Variants in ZBBX observed in about 807,000 individuals in gnomAD.
The protein encoded by ZBBX is zinc finger B-box domain-containing protein 1.
ZBBX carries 101 observed loss-of-function variants against 108.5 expected under a neutral mutation model. The observed-to-expected ratio is 0.93, with a 90% CI of 0.79 to 1.10. The LOEUF (loss-of-function observed/expected upper bound fraction) is 1.10. Among genes scored for constraint, ZBBX ranks in the 50% least tolerant of loss-of-function variants. ZBBX has a pLI of 0.00. For synonymous variants in ZBBX, 356 were observed against 323.4 expected, an observed-to-expected ratio of 1.10 and a Z score of -1.08; for missense variants, 1,009 against 941.4, an observed-to-expected ratio of 1.07 and a Z score of -0.94.
At chr3:167,374,800 G>T (rs911311820) in intron 2 of ZBBX, among the ~76,000 whole-genome samples, 1 of 152,112 alleles carries the variant, frequency 6.6e-6, no homozygotes, top group African/African-American at 2.4e-5. Flanking sequence ...AGAAAAGAGA[G>T]AATTCAGCTG....
Position 167,285,072 on chromosome 3 carries a change from G to T in ZBBX, c.1997-2577C>A, listed in dbSNP as rs75300846. 3.3e-5 allele frequency among the ~76,000 whole-genome samples: 5 copies of T among 152,116 alleles called. No individual in the cohort carries two copies. In the East Asian group the frequency reaches 9.7e-4, roughly 29 times the overall value. On this transcript the variant is annotated intron_variant, in intron 19 of 21. Transcript: ENST00000675490. Reference sequence around the variant, plus strand: ...TCATAAGAAATTATTGGTTAACACTGATCAGTTATATTCTAAATGTAACAA... The same window carrying T: ...TCATAAGAAATTATTGGTTAACACTTATCAGTTATATTCTAAATGTAACAA...
At chr3:167,197,499 C>T in the ZBBX span, among the ~76,000 whole-genome samples, 2 of 151,914 alleles carry the variant, frequency 1.3e-5, no homozygotes, top group Non-Finnish European at 2.9e-5. Context: ...GATTGCACCA[C>T]CACATTCCAG....
chr3:167,237,450 G>T (rs1720276614), downstream of ZBBX, among the ~76,000 whole-genome samples: 1 of 151,832 alleles, frequency 6.6e-6, no homozygotes, highest in Non-Finnish European at 1.5e-5. Flanking sequence ...AAGGCGCACT[G>T]TACTGACTCC....
intron 9 of ZBBX, among the ~76,000 whole-genome samples, chr3:167,348,962 C>T (rs1356637643): frequency 2.6e-5 from 4 of 152,018 alleles, no homozygotes; most frequent in Admixed American, 6.6e-5. Flanking sequence ...TGACTGGTGT[C>T]GTATCTGCAT....
intron 10 of ZBBX, among the ~76,000 whole-genome samples, chr3:167,332,858 T>C (rs1738881237): frequency 6.6e-6 from 1 of 152,152 alleles, no homozygotes; most frequent in South Asian, 2.1e-4. Context: ...TTATAAAAAC[T>C]ATTCCCTGCC....
intron 9 of ZBBX, among the ~76,000 whole-genome samples, chr3:167,346,132 T>G (rs4603954): frequency 0.32 from 49,282 of 151,670 alleles, 9,316 homozygotes; most frequent in Non-Finnish European, 0.43. Flanking sequence ...AGACCTCATT[T>G]CTCATCTGAA....
At chr3:167,211,669 G>A in the ZBBX span, among the ~76,000 whole-genome samples, 2 of 151,992 alleles carry the variant, frequency 1.3e-5, no homozygotes, top group Non-Finnish European at 2.9e-5. Context: ...CTGACCCAGG[G>A]CAGAAGGGAT....
At chr3:167,364,100 C>T (rs554447629) in intron 6 of ZBBX, among the ~76,000 whole-genome samples, 7 of 151,200 alleles carry the variant, frequency 4.6e-5, no homozygotes, top group Non-Finnish European at 8.8e-5. Context: ...CATTTGGGGC[C>T]GAATAATTCT....
chr3:167,287,832 C>A (rs1418623303), intron 19 of ZBBX, among the ~76,000 whole-genome samples: 1 of 151,960 alleles, frequency 6.6e-6, no homozygotes, highest in African/African-American at 2.4e-5. Context: ...TTGTTTTCTC[C>A]CTAAAAATTT....
chr3:167,313,596 T>C (rs1428834003), intron 16 of ZBBX, among the ~76,000 whole-genome samples: 2 of 152,116 alleles, frequency 1.3e-5, no homozygotes, highest in Non-Finnish European at 2.9e-5. Context: ...ATTTGTTTTA[T>C]TTTGGTTCAT....
the ZBBX span, among the ~76,000 whole-genome samples, chr3:167,196,317 A>G: frequency 6.6e-6 from 1 of 152,232 alleles, no homozygotes; most frequent in Non-Finnish European, 1.5e-5. Flanking sequence ...TTGTGAAAGA[A>G]ATAAATGCAA....
At chr3:167,260,013 A>AT (rs1283153122) in intron 20 of ZBBX, among the ~76,000 whole-genome samples, 1 of 152,128 alleles carries the variant, frequency 6.6e-6, no homozygotes, top group Non-Finnish European at 1.5e-5. Flanking sequence ...AGCAGTTCTT[A>AT]TAGTGGTGGC....
upstream of ZBBX, among the ~76,000 whole-genome samples, chr3:167,382,821 G>T (rs1747793883): frequency 6.6e-6 from 1 of 151,896 alleles, no homozygotes. Context: ...TTTTTCACCT[G>T]CATTTTTCAT....
intron 1 of ZBBX, among the ~76,000 whole-genome samples, chr3:167,391,505 G>A (rs1748083997): frequency 6.6e-6 from 1 of 151,968 alleles, no homozygotes; most frequent in South Asian, 2.1e-4. Context: ...CTCATAAAAT[G>A]AGCTAGGGAT....
chr3:167,335,262 G>A (rs922208041), intron 9 of ZBBX, among the ~76,000 whole-genome samples: 2 of 152,138 alleles, frequency 1.3e-5, no homozygotes, highest in Admixed American at 6.6e-5. Flanking sequence ...TGTCAGGGAA[G>A]GAAAAGAGCT....
chr3:167,358,634 G>C (rs1157201682), intron 8 of ZBBX, among the ~76,000 whole-genome samples: 1 of 151,942 alleles, frequency 6.6e-6, no homozygotes, highest in East Asian at 1.9e-4. Context: ...TCACATTATA[G>C]CTTTTAAGAG....
At chr3:167,182,634 G>T in the ZBBX span, among the ~76,000 whole-genome samples, 463 of 152,234 alleles carry the variant, frequency 3.0e-3, 2 homozygotes, top group African/African-American at 0.011. Context: ...TTAATTTGAG[G>T]TTGGGCCTGG....
intron 20 of ZBBX, among the ~76,000 whole-genome samples, chr3:167,269,332 A>C (rs562213317): frequency 1.3e-4 from 20 of 152,388 alleles, no homozygotes; most frequent in African/African-American, 4.6e-4. Context: ...TAGAAAGTAC[A>C]GAAGTTAAAT....
At chr3:167,383,683 C>T (rs61561249), upstream of ZBBX, among the ~76,000 whole-genome samples, 1,982 of 152,074 alleles carry the variant, frequency 0.013, 50 homozygotes, top group African/African-American at 0.046. Flanking sequence ...GATAAATTTT[C>T]GATTCCTGCA....
Sources: gnomAD v4.1 joint callset for allele counts (sites outside exome capture counted in the v4.1 genomes callset) on GRCh38, gnomAD v4.1.1 for gene constraint, MANE v1.5 for transcripts, NCBI Gene and HGNC (gene_info 2026-07-23, HGNC 2026-07-21) for gene names.